DLG2: variants seen among roughly 807,000 people sequenced by gnomAD.
DLG2 encodes the protein discs large MAGUK scaffold protein 2, also known as disks large homolog 2.
Under a neutral mutation model 132.5 loss-of-function variants are expected in DLG2, and 45 were observed. The observed-to-expected ratio is 0.34, with a 90% CI of 0.27 to 0.44. The LOEUF (loss-of-function observed/expected upper bound fraction) is 0.44, where lower values mean the gene tolerates loss of function less well. Ranked by LOEUF, DLG2 falls within the 20% of genes least tolerant of loss-of-function variation. DLG2 has a pLI of 1.00. For synonymous variants in DLG2, 424 were observed against 419.6 expected (o/e 1.01, Z -0.13); for missense variants, 1,045 against 1,196.9 (o/e 0.87, Z 1.87).
intron 18 of DLG2, among the ~76,000 whole-genome samples, chr11:83,709,292 T>C (rs1428150511): frequency 6.7e-6 from 1 of 148,508 alleles, no homozygotes; most frequent in Non-Finnish European, 1.5e-5. Context: ...TATATGTACA[T>C]ATATACATAT....
At chr11:84,864,003 C>G (rs1433344034) in intron 6 of DLG2, among the ~76,000 whole-genome samples, 1 of 152,112 alleles carries the variant, frequency 6.6e-6, no homozygotes, top group African/African-American at 2.4e-5. Context: ...TGTGAAGTTT[C>G]AGGTAATTTT....
intron 6 of DLG2, among the ~76,000 whole-genome samples, chr11:84,983,163 T>C (rs746029326): frequency 6.6e-6 from 1 of 152,148 alleles, no homozygotes; most frequent in Non-Finnish European, 1.5e-5. Context: ...TGAACTTTTG[T>C]TCCAAAATGA....
chr11:84,639,604 T>A (rs2099651138), intron 6 of DLG2, among the ~76,000 whole-genome samples: 2 of 152,164 alleles, frequency 1.3e-5, no homozygotes, highest in South Asian at 2.1e-4. Context: ...TAAAACCCAA[T>A]GCTCCTCAAC....
chr11:84,753,340 A>G (rs997253695), intron 6 of DLG2, among the ~76,000 whole-genome samples: 2 of 152,286 alleles, frequency 1.3e-5, no homozygotes, highest in Admixed American at 6.5e-5. Flanking sequence ...AACAAATCCC[A>G]TAGTGTAGGT....
At chr11:85,131,657 T>C (rs2075719600) in intron 5 of DLG2, among the ~76,000 whole-genome samples, 2 of 152,176 alleles carry the variant, frequency 1.3e-5, no homozygotes, top group Non-Finnish European at 2.9e-5. Context: ...TCCACTAACA[T>C]CAACTGAAGC....
intron 7 of DLG2, among the ~76,000 whole-genome samples, chr11:84,491,238 T>C (rs2099164296): frequency 6.6e-6 from 1 of 151,990 alleles, no homozygotes; most frequent in Non-Finnish European, 1.5e-5. Flanking sequence ...GGGAGATAAG[T>C]GAATCAGGGG....
At chr11:84,476,064 G>C (rs948395711) in intron 7 of DLG2, among the ~76,000 whole-genome samples, 1 of 151,968 alleles carries the variant, frequency 6.6e-6, no homozygotes, top group South Asian at 2.1e-4. Context: ...CAAATAACAA[G>C]AAATAATAAG....
intron 7 of DLG2, among the ~76,000 whole-genome samples, chr11:84,500,177 A>G (rs943760427): frequency 6.6e-6 from 1 of 152,168 alleles, no homozygotes; most frequent in African/African-American, 2.4e-5. Context: ...TTGGAAAGGT[A>G]CCATTAGACA....
At chr11:85,221,492 G>A (rs138972137) in intron 4 of DLG2, among the ~76,000 whole-genome samples, 1 of 152,186 alleles carries the variant, frequency 6.6e-6, no homozygotes, top group Non-Finnish European at 1.5e-5. Context: ...ACCTCTACAT[G>A]TCTGCACTAT....
intron 3 of DLG2, among the ~76,000 whole-genome samples, chr11:85,382,368 C>G (rs2085963042): frequency 6.6e-6 from 1 of 152,010 alleles, no homozygotes; most frequent in Non-Finnish European, 1.5e-5. Context: ...AAAATTAACA[C>G]AAAATGGATG....
chr11:84,794,123 C>T (rs1007614082), intron 6 of DLG2, among the ~76,000 whole-genome samples: 9 of 151,958 alleles, frequency 5.9e-5, no homozygotes, highest in South Asian at 2.1e-4. Flanking sequence ...ATAACCCATT[C>T]GTATGATAAT....
intron 6 of DLG2, among the ~76,000 whole-genome samples, chr11:85,017,309 C>T (rs1172474577): frequency 6.6e-6 from 1 of 151,422 alleles, no homozygotes; most frequent in African/African-American, 2.4e-5. Flanking sequence ...CTGTCTTGCC[C>T]TCCTCATAAA....
chr11:84,520,216 G>T (rs1192488543), intron 7 of DLG2, among the ~76,000 whole-genome samples: 1 of 152,104 alleles, frequency 6.6e-6, no homozygotes, highest in African/African-American at 2.4e-5. Context: ...AGGTCTTGAT[G>T]TCTACAAAAA....
At chr11:84,942,975 GTTCT>G (rs2049662538) in intron 6 of DLG2, among the ~76,000 whole-genome samples, 1 of 151,916 alleles carries the variant, frequency 6.6e-6, no homozygotes, top group African/African-American at 2.4e-5. Context: ...ATATAATGAC[GTTCT>G]TTGTCTCTTT....
At chr11:84,821,132 A>G (rs1434250929) in intron 6 of DLG2, among the ~76,000 whole-genome samples, 1 of 151,914 alleles carries the variant, frequency 6.6e-6, no homozygotes, top group African/African-American at 2.4e-5. Context: ...ACTTAATGAT[A>G]ATCATTTTTC....
chr11:85,114,477 G>GA, intron 5 of DLG2, among the ~76,000 whole-genome samples: 1 of 151,938 alleles, frequency 6.6e-6, no homozygotes, highest in Non-Finnish European at 1.5e-5. Context: ...ATCTATCCAG[G>GA]ATGTTTATAC....
intron 6 of DLG2, among the ~76,000 whole-genome samples, chr11:84,904,762 T>C (rs4944501): frequency 0.46 from 70,149 of 151,706 alleles, 16,794 homozygotes; most frequent in South Asian, 0.62. Flanking sequence ...AACAAAGTTC[T>C]TCCCCATTTC....
intron 2 of DLG2, among the ~76,000 whole-genome samples, chr11:85,608,703 G>A (rs1157846652): frequency 6.6e-6 from 1 of 152,022 alleles, no homozygotes; most frequent in East Asian, 1.9e-4. Flanking sequence ...TAGGGGGTGG[G>A]GAATTTGGCC....
At chr11:85,121,604 A>G (rs560064122) in intron 5 of DLG2, among the ~76,000 whole-genome samples, 36 of 152,160 alleles carry the variant, frequency 2.4e-4, no homozygotes, top group Middle Eastern at 3.4e-3. Flanking sequence ...TGATCATGAT[A>G]ATTTGGTTTA....
Sources: gnomAD v4.1 joint callset for allele counts (sites outside exome capture counted in the v4.1 genomes callset) on GRCh38, gnomAD v4.1.1 for gene constraint, MANE v1.5 for transcripts, NCBI Gene and HGNC (gene_info 2026-07-23, HGNC 2026-07-21) for gene names.